Variants in SPATA21 observed in about 807,000 individuals in gnomAD.
The protein encoded by SPATA21 is spermatogenesis associated 21, also known as spermatogenesis-associated protein 21.
In SPATA21, 47 loss-of-function variants were observed where a neutral mutation model predicts 54.8. The observed-to-expected ratio is 0.86, with a 90% CI of 0.68 to 1.09. The LOEUF is 1.09. SPATA21 is among the 50% of genes least tolerant of loss of function. The pLI, the probability that SPATA21 is intolerant of heterozygous loss-of-function variation, is 0.00. For missense variants in SPATA21, 599 were observed against 596.4 expected, an observed-to-expected ratio of 1.00 and a Z score of -0.05; for synonymous variants, 245 against 235.3, an observed-to-expected ratio of 1.04 and a Z score of -0.38.
chr1:16,411,811 A>T, intron 5 of SPATA21, among the ~76,000 whole-genome samples: 1 of 136,020 alleles, frequency 7.4e-6, no homozygotes, highest in Non-Finnish European at 1.6e-5. Context: ...AAAAAAAACA[A>T]AACAAAACAA....
chr1:16,400,968 T>C, intron 10 of SPATA21, 76 bp from the exon 11 acceptor site: 1 of 1,511,130 alleles, frequency 6.6e-7, no homozygotes, highest in Admixed American at 2.1e-5. Context: ...CCTATCTCTC[T>C]GGCCAGCTCT....
rs530992213 is a variant in SPATA21, at chr1:16,418,628, C to T, written c.144+2881G>A. Among the ~76,000 whole-genome samples, 5 of 151,456 alleles carry T rather than the reference C, an allele frequency of 3.3e-5. No individual in the cohort carries two copies. In the South Asian group the frequency reaches 6.3e-4, roughly 19 times the overall value. On this transcript the variant is annotated intron_variant, in intron 5 of 12. Coordinates refer to ENST00000335496, the MANE Select transcript of SPATA21 (RefSeq NM_198546.1). Reference sequence around the variant, plus strand: ...TGTTTCTCAGGCTGAAGTGCAGTGCCGCTATCTTGGCTCACTGCATCCTCT... The same window carrying T: ...TGTTTCTCAGGCTGAAGTGCAGTGCTGCTATCTTGGCTCACTGCATCCTCT...
At position 16,410,002 on chromosome 1, in the gene SPATA21, C is replaced by T. The variant is rs552055626; in HGVS notation, c.186G>A (p.Ala62=). ...CCGCGGGCTTCTGAGGCTGCTGCTGCGCACGGTCTGGCTCCCGCCTCTCTC... is the reference window on the plus strand; with the variant it reads ...CCGCGGGCTTCTGAGGCTGCTGCTGTGCACGGTCTGGCTCCCGCCTCTCTC... ...DIGERREPDR[A]QQQPQKPAVA... The change falls in exon 6 of 13, where the codon GCG becomes GCA. Residue 62 remains alanine (A), a synonymous_variant. Coordinates refer to ENST00000335496, the MANE Select transcript of SPATA21 (RefSeq NM_198546.1). The T allele has an allele frequency of 1.3e-5, 20 of 1,589,008 alleles. 1 individual carries two copies. The highest frequency in any genetic ancestry group is 1.7e-4 in the Middle Eastern group (1 of 5,896).
Position 16,425,568 on chromosome 1 carries a change from G to A in SPATA21, c.35-3597C>T, listed in dbSNP as rs928401185. The stretch of plus-strand genomic sequence containing the variant: ...TGATCCTCCCCGATTCCCCGGTTCC[G>A]TTGCCTCCCCTGCTGGCCCTTGATC... On this transcript the variant is annotated intron_variant, in intron 3 of 12. Coordinates refer to ENST00000335496, the MANE Select transcript of SPATA21 (RefSeq NM_198546.1). 1.7e-5 allele frequency: 26 copies of A among 1,549,636 alleles called. 1 individual carries two copies. The highest frequency in any genetic ancestry group is 1.8e-4 in the Middle Eastern group (1 of 5,558).
At chr1:16,405,669 C>T (rs2085615676) in intron 7 of SPATA21, among the ~76,000 whole-genome samples, 1 of 151,826 alleles carries the variant, frequency 6.6e-6, no homozygotes, top group South Asian at 2.1e-4. Context: ...TTGACTCCAA[C>T]CCAGATTTTG....
chr1:16,410,922 A>G (rs200626327), intron 5 of SPATA21: 142 of 253,880 alleles, frequency 5.6e-4, no homozygotes, highest in Non-Finnish European at 1.0e-3. Context: ...CCTCCTGACC[A>G]GAAGGTAAGC....
chr1:16,436,141 C>A (rs1384445737), intron 1 of SPATA21, among the ~76,000 whole-genome samples: 3 of 151,926 alleles, frequency 2.0e-5, no homozygotes, highest in African/African-American at 7.3e-5. Flanking sequence ...AATCCCAGCA[C>A]TTTGGGAGGC....
intron 8 of SPATA21, among the ~76,000 whole-genome samples, chr1:16,404,593 G>C (rs572813433): frequency 6.6e-6 from 1 of 152,336 alleles, no homozygotes; most frequent in African/African-American, 2.4e-5. Flanking sequence ...GAGGCAGGCA[G>C]ATTCCTTGAG....
intron 2 of SPATA21, among the ~76,000 whole-genome samples, chr1:16,432,114 C>T (rs1176116577): frequency 7.5e-6 from 1 of 133,104 alleles, no homozygotes; most frequent in East Asian, 2.3e-4. Context: ...TCTTCTTCTT[C>T]TTTTTTTTTT....
At position 16,414,122 on chromosome 1, in the gene SPATA21, G is replaced by A. The variant is rs2085931779; in HGVS notation, c.145-4079C>T. Among the ~76,000 whole-genome samples, 4 of 151,876 alleles carry A rather than the reference G, an allele frequency of 2.6e-5. No individual in the cohort carries two copies. The South Asian group carries it at 8.3e-4, about 32-fold the overall frequency. ...GCTCTGTTGCCCAGGCTGGAGTGCA[G>A]TGGTGCAATCTTGGCTCACTGCAAC... On this transcript the variant is annotated intron_variant, in intron 5 of 12. Coordinates refer to ENST00000335496, the MANE Select transcript of SPATA21 (RefSeq NM_198546.1).
Position 16,409,818 on chromosome 1 carries a change from C to T in SPATA21, c.370G>A (p.Ala124Thr). The T allele has an allele frequency of 6.3e-7, 1 of 1,597,904 alleles. No homozygotes were observed. The highest frequency in any genetic ancestry group is 8.5e-7 in the Non-Finnish European group (1 of 1,172,830). ...GCAGGGGTCTGAGGCAGGCTTGGAG[C>T]TGAGGTGGGCACCGGGGTCAGGGTC... ...PRTLTPVPTS[A>T]PSLPQTPASV... Residue 124 changes from alanine (A) to threonine (T), a missense_variant, in exon 6 of 13, where the codon GCT becomes ACT. By Grantham distance (58) the Ala-to-Thr change is moderately conservative. Transcript: ENST00000335496. This position sits in a 1 kb window ranked among gnomAD's most constrained non-coding sequence, Gnocchi z 4.1.
chr1:16,412,450 G>C (rs1445059441), intron 5 of SPATA21, among the ~76,000 whole-genome samples: 1 of 151,630 alleles, frequency 6.6e-6, no homozygotes, highest in East Asian at 1.9e-4. Flanking sequence ...TAACATACAC[G>C]TAACATTTAC....
chr1:16,400,752 C>G lies in SPATA21; in HGVS notation c.1142G>C (p.Ser381Thr), dbSNP rs769174438. 1 of 1,612,214 alleles carries G rather than the reference C, an allele frequency of 6.2e-7. No homozygotes were observed. The highest frequency in any genetic ancestry group is 1.7e-5 in the Admixed American group (1 of 59,994). ...CTGCTGCTTCAGCCGGCTCAGGATA[C>G]TGAGGACCTTTCGTTCTGGAACTTC... ...SSEVPERKVL[S>T]ILSRLKQQNY... The change falls in exon 11 of 13, where the codon AGT (serine) becomes ACT (threonine). Residue 381 changes from serine to threonine, a missense_variant. Coordinates refer to ENST00000335496, the MANE Select transcript of SPATA21 (RefSeq NM_198546.1).
intron 8 of SPATA21, among the ~76,000 whole-genome samples, chr1:16,404,290 T>G (rs2085557469): frequency 6.6e-6 from 1 of 151,792 alleles, no homozygotes; most frequent in Non-Finnish European, 1.5e-5. Context: ...GCCAACATGG[T>G]GAAATCCCGT....
intron 3 of SPATA21, chr1:16,427,744 G>T: frequency 9.4e-7 from 1 of 1,061,868 alleles, no homozygotes; most frequent in Non-Finnish European, 1.3e-6. Context: ...AGAAGGACAA[G>T]GTGCTGTCGT....
intron 5 of SPATA21, among the ~76,000 whole-genome samples, chr1:16,413,080 C>G (rs1382870854): frequency 2.0e-5 from 3 of 152,158 alleles, no homozygotes; most frequent in African/African-American, 7.2e-5. Flanking sequence ...CCACGCCCGG[C>G]CAACGATTTT....
rs1224205115 is a variant in SPATA21 at position 16,399,459 on chromosome 1, T to A, written c.1237A>T (p.Lys413Ter). 1.2e-6 allele frequency: 2 copies of A among 1,613,502 alleles called. No homozygotes were observed. The highest frequency in any genetic ancestry group is 3.3e-5 in the Admixed American group (2 of 59,956). ...CTCGGCTGCCTACGGACCATCTTCT[T>A]GTCCAGCTGTGGGCAGAGCAGGATG... ...PCILLCPQLD[K>*]KMVRRQPSNH... Residue 413 changes from lysine (K) to a stop codon, truncating the protein, a stop_gained, in exon 12 of 13, where the codon AAG becomes TAG. Coordinates refer to ENST00000335496, the MANE Select transcript of SPATA21 (RefSeq NM_198546.1). LOFTEE classifies it high-confidence loss of function.
intron 3 of SPATA21, among the ~76,000 whole-genome samples, chr1:16,423,701 G>A (rs1387781824): frequency 6.6e-6 from 1 of 151,406 alleles, no homozygotes; most frequent in African/African-American, 2.4e-5. Context: ...CTGCCACCAT[G>A]CCCAGCTAAT....
intron 10 of SPATA21, 98 bp downstream of exon 10, chr1:16,403,629 G>T: frequency 9.3e-7 from 1 of 1,072,426 alleles, no homozygotes; most frequent in Non-Finnish European, 1.4e-6. Context: ...TTTCACTTGT[G>T]ACTAAAAGTC....
Sources: gnomAD v4.1 joint callset for allele counts (sites outside exome capture counted in the v4.1 genomes callset) on GRCh38, gnomAD v4.1.1 for gene constraint, Gnocchi (gnomAD v3.1) non-coding constraint, MANE v1.5 for transcripts, NCBI Gene and HGNC (gene_info 2026-07-23, HGNC 2026-07-21) for gene names.